Variants in NCOA3 observed in about 807,000 individuals in gnomAD.
NCOA3 encodes the protein CBP-interacting protein.
In NCOA3, 51 loss-of-function variants were observed where a neutral mutation model predicts 158.8. The ratio of observed to expected loss-of-function variants is 0.32; its 90% confidence interval spans 0.26 to 0.41. The LOEUF (loss-of-function observed/expected upper bound fraction) is 0.41. Among genes scored for constraint, NCOA3 ranks in the 10% least tolerant of loss-of-function variants. The pLI is 1.00. For synonymous variants in NCOA3, 537 were observed against 592.4 expected, an observed-to-expected ratio of 0.91 and a Z score of 1.36; for missense variants, 1,510 against 1,746.6, an observed-to-expected ratio of 0.86 and a Z score of 2.41.
chr20:47,556,039 A>G (rs886521440), intron 1 of NCOA3, among the ~76,000 whole-genome samples: 8 of 150,258 alleles, frequency 5.3e-5, no homozygotes. Flanking sequence ...GATTCAAGCA[A>G]TTCTCCTGCC....
At chr20:47,563,384 G>C (rs1359813504) in intron 1 of NCOA3, among the ~76,000 whole-genome samples, 1 of 152,168 alleles carries the variant, frequency 6.6e-6, no homozygotes, top group Non-Finnish European at 1.5e-5. Context: ...GGATGTTTAT[G>C]ATGGGGGGAG....
intron 2 of NCOA3, among the ~76,000 whole-genome samples, chr20:47,608,639 C>CCA (rs1779515744): frequency 1.3e-5 from 1 of 75,716 alleles, no homozygotes; most frequent in Non-Finnish European, 2.7e-5. Flanking sequence ...GACCCTGTCT[C>CCA]CAAAAAAAAA....
chr20:47,542,793 C>A (rs2084766427), intron 1 of NCOA3, among the ~76,000 whole-genome samples: 1 of 152,152 alleles, frequency 6.6e-6, no homozygotes, highest in South Asian at 2.1e-4. Flanking sequence ...GAAACCCCAT[C>A]TATACAAACA....
chr20:47,555,866 T>G (rs1449420839), intron 1 of NCOA3, among the ~76,000 whole-genome samples: 1 of 150,206 alleles, frequency 6.7e-6, no homozygotes, highest in East Asian at 2.0e-4. Flanking sequence ...ATGGTCTCGA[T>G]CTCCTGACCT....
intron 1 of NCOA3, among the ~76,000 whole-genome samples, chr20:47,536,620 A>T (rs2084637877): frequency 6.6e-6 from 1 of 152,054 alleles, no homozygotes; most frequent in Non-Finnish European, 1.5e-5. Flanking sequence ...TTGCCTCTTT[A>T]TTAAGTGATG....
rs1373127577 is a variant in NCOA3, at chr20:47,656,557, GGATT to G, written c.*3145_*3148del. ...TAGGTTCCTAGGAGCAAAACCTCAAGGATTGATTTATTGTTTTCAACTCCAAGGC... is the reference window on the plus strand; with the variant it reads ...TAGGTTCCTAGGAGCAAAACCTCAAGGATTTATTGTTTTCAACTCCAAGGC... On this transcript the variant is annotated 3_prime_UTR_variant, in exon 23 of 23. Transcript: ENST00000371998. 1 of 152,524 alleles carries G rather than the reference GGATT, an allele frequency of 6.6e-6. No individual in the cohort carries two copies. Among genetic ancestry groups the G allele is most frequent in the Admixed American group, 6.5e-5 (1 of 15,270 alleles). 9.4% of individuals were successfully genotyped at this position (152,524 alleles called of 1,614,324 possible). A position where few individuals can be genotyped will look rare whatever the true frequency, so the allele number is the denominator to read the frequency against.
intron 1 of NCOA3, among the ~76,000 whole-genome samples, chr20:47,577,215 T>C (rs1280156412): frequency 6.6e-6 from 1 of 152,240 alleles, no homozygotes; most frequent in East Asian, 1.9e-4. Flanking sequence ...CTTTACCCCA[T>C]TTATGTTTCC....
intron 2 of NCOA3, among the ~76,000 whole-genome samples, chr20:47,611,436 T>C (rs566771858): frequency 6.6e-6 from 1 of 152,354 alleles, no homozygotes; most frequent in South Asian, 2.1e-4. Context: ...GAGATACTTA[T>C]GTCTGTCAAA....
At position 47,508,289 on chromosome 20, in the gene NCOA3, T is replaced by G. The variant is rs535348072; in HGVS notation, c.-99+6270T>G. Among the ~76,000 whole-genome samples the G allele has an allele frequency of 3.9e-5, 6 of 152,334 alleles. No individual in the cohort carries two copies. The East Asian group carries it at 1.2e-3, about 29-fold the overall frequency. Reference sequence around the variant, plus strand: ...AGCATTTTTAGTTTGTTTAGAGAATTTGGATTGGGTGCAGCAAGACATTTT... The same window carrying G: ...AGCATTTTTAGTTTGTTTAGAGAATGTGGATTGGGTGCAGCAAGACATTTT... On this transcript the variant is annotated intron_variant, in intron 1 of 22. Transcript: ENST00000371998.
chr20:47,544,079 C>A (rs531424691), intron 1 of NCOA3, among the ~76,000 whole-genome samples: 2 of 152,068 alleles, frequency 1.3e-5, no homozygotes, highest in Non-Finnish European at 2.9e-5. Flanking sequence ...ACTTGCATAG[C>A]CATGTTATAG....
intron 1 of NCOA3, among the ~76,000 whole-genome samples, chr20:47,561,405 A>T (rs1224836338): frequency 6.7e-6 from 1 of 148,896 alleles, no homozygotes; most frequent in Non-Finnish European, 1.5e-5. Context: ...GGCTCAAGTG[A>T]TCCTCTTGCT....
intron 1 of NCOA3, among the ~76,000 whole-genome samples, chr20:47,549,736 C>G (rs1166688029): frequency 6.6e-6 from 1 of 152,066 alleles, no homozygotes; most frequent in Non-Finnish European, 1.5e-5. Flanking sequence ...GAGTCTTCCT[C>G]TGTCACCAGG....
chr20:47,561,701 C>T lies in NCOA3; in HGVS notation c.-98-21482C>T, dbSNP rs1225055745. ...GAGATTTCCCATATGTGCATGTCTT[C>T]CTCCATTATCAGCAACTCCCTGCCA... On this transcript the variant is annotated intron_variant, in intron 1 of 22. Transcript: ENST00000371998. 3.9e-5 allele frequency among the ~76,000 whole-genome samples: 6 copies of T among 152,160 alleles called. 1 individual carries two copies. The East Asian group carries it at 9.7e-4, about 25-fold the overall frequency.
intron 1 of NCOA3, among the ~76,000 whole-genome samples, chr20:47,542,617 C>T (rs2084762363): frequency 6.6e-6 from 1 of 152,140 alleles, no homozygotes; most frequent in Non-Finnish European, 1.5e-5. Flanking sequence ...TTTGAGGCTG[C>T]AGTGAGCTGT....
intron 1 of NCOA3, among the ~76,000 whole-genome samples, chr20:47,568,854 T>C (rs2146197097): frequency 6.6e-6 from 1 of 152,190 alleles, no homozygotes; most frequent in African/African-American, 2.4e-5. Context: ...TTTAGTAAGC[T>C]GTAAATCTTG....
intron 1 of NCOA3, among the ~76,000 whole-genome samples, chr20:47,576,704 G>T (rs1175063028): frequency 6.6e-6 from 1 of 152,210 alleles, no homozygotes; most frequent in African/African-American, 2.4e-5. Flanking sequence ...TTTGCAGCCC[G>T]AGGGGTCAGC....
rs1455573590 is a variant in NCOA3, at chr20:47,636,455, A to G, written c.2069A>G (p.Gln690Arg). The G allele has an allele frequency of 6.2e-7, 1 of 1,614,190 alleles. No homozygotes were observed. Among genetic ancestry groups the G allele is most frequent in the Admixed American group, 1.7e-5 (1 of 60,032 alleles). Residue 690 changes from glutamine (Q) to arginine (R), a missense_variant, in exon 12 of 23, where the codon CAG (glutamine) becomes CGG (arginine). Physicochemically the swap from Gln to Arg is conservative, Grantham distance 43. Coordinates refer to ENST00000371998, the MANE Select transcript of NCOA3 (RefSeq NM_181659.3). ...EKHRILHKLL[Q>R]NGNSPAEVAK... ...CACCGGATTTTGCACAAGTTGCTGC[A>G]GAATGGGAATTCACCAGCTGAGGTA... is the stretch of plus-strand genomic sequence containing the variant.
Position 47,600,110 on chromosome 20 carries a change from T to TTGTGTGTGTGTGTGTG in NCOA3, c.-20+16869_-20+16884dup, listed in dbSNP as rs11472351. ...CTGATGGCTAATTCTCTCACTTCCT[T>TTGTGTGTGTGTGTGTG]TGTGTGTGTGTGTGTGTGTGTGTGT... On this transcript the variant is annotated intron_variant, in intron 2 of 22. Transcript: ENST00000371998. 9.3e-4 allele frequency among the ~76,000 whole-genome samples: 133 copies of TTGTGTGTGTGTGTGTG among 143,076 alleles called. 1 individual carries two copies. The highest frequency in any genetic ancestry group is 7.3e-3 in the Middle Eastern group (2 of 274). The allele number at this position is 143,076 out of a possible 152,430, so 93.9% of individuals were successfully genotyped here.
intron 1 of NCOA3, among the ~76,000 whole-genome samples, chr20:47,534,443 G>A (rs2084601165): frequency 6.6e-6 from 1 of 152,142 alleles, no homozygotes; most frequent in Admixed American, 6.6e-5. Flanking sequence ...TGGGTTGTGA[G>A]CATCCTTTTA....
Sources: gnomAD v4.1 joint callset for allele counts (sites outside exome capture counted in the v4.1 genomes callset) on GRCh38, gnomAD v4.1.1 for gene constraint, MANE v1.5 for transcripts, NCBI Gene and HGNC (gene_info 2026-07-23, HGNC 2026-07-21) for gene names.